Variants in MAF observed in about 807,000 individuals in gnomAD.
The protein encoded by MAF is MAF bZIP transcription factor.
MAF carries 10 observed loss-of-function variants against 22.0 expected under a neutral mutation model. The observed-to-expected ratio is 0.45, with a 90% CI of 0.28 to 0.77. The LOEUF (loss-of-function observed/expected upper bound fraction) is 0.77. Among genes scored for constraint, MAF ranks in the 30% least tolerant of loss-of-function variants. The probability of loss-of-function intolerance (pLI) is 0.12; values close to 1 mark genes in which losing one functional copy is unlikely to be tolerated. For synonymous variants in MAF, 337 were observed against 255.8 expected (o/e 1.32, Z -3.03); for missense variants, 544 against 548.4 (o/e 0.99, Z 0.08).
At chr16:79,517,568 C>CTTTTTTT in the MAF span, among the ~76,000 whole-genome samples, 1 of 99,782 alleles carries the variant, frequency 1.0e-5, no homozygotes. Flanking sequence ...ACTGTTTAGT[C>CTTTTTTT]TTTTTTTTTT....
At chr16:79,395,988 T>C in the MAF span, among the ~76,000 whole-genome samples, 1 of 152,202 alleles carries the variant, frequency 6.6e-6, no homozygotes, top group Non-Finnish European at 1.5e-5. Flanking sequence ...TTGCCTCAGT[T>C]CCGGCTCTCC....
the MAF span, among the ~76,000 whole-genome samples, chr16:79,448,167 A>G: frequency 6.6e-6 from 1 of 152,184 alleles, no homozygotes; most frequent in African/African-American, 2.4e-5. Flanking sequence ...ATGCTATCAA[A>G]TAGTGCCACA....
the MAF span, among the ~76,000 whole-genome samples, chr16:79,383,713 G>A: frequency 5.9e-5 from 9 of 152,192 alleles, no homozygotes; most frequent in East Asian, 1.2e-3. Context: ...CTGTGTTTAC[G>A]CTGGTCCTCT....
At chr16:79,227,513 G>A in the MAF span, among the ~76,000 whole-genome samples, 2,597 of 151,974 alleles carry the variant, frequency 0.017, 62 homozygotes, top group African/African-American at 0.06. Flanking sequence ...GTCGAGTAAC[G>A]GTACTGTAAT....
the MAF span, among the ~76,000 whole-genome samples, chr16:79,378,109 T>A: frequency 2.8e-4 from 43 of 152,276 alleles, no homozygotes; most frequent in Admixed American, 2.0e-3. Flanking sequence ...ATCTATAAAT[T>A]ACCTTGGGAA....
At chr16:79,375,463 G>C in the MAF span, among the ~76,000 whole-genome samples, 14 of 152,038 alleles carry the variant, frequency 9.2e-5, no homozygotes, top group Non-Finnish European at 1.8e-4. Context: ...TTTCCCACAG[G>C]GCATGGTGGT....
chr16:79,411,696 A>T, the MAF span, among the ~76,000 whole-genome samples: 6 of 152,152 alleles, frequency 3.9e-5, no homozygotes, highest in African/African-American at 1.4e-4. Context: ...TTACTGAATT[A>T]CTCTGTGCAA....
the MAF span, among the ~76,000 whole-genome samples, chr16:79,429,521 A>C: frequency 6.6e-6 from 1 of 152,070 alleles, no homozygotes; most frequent in Non-Finnish European, 1.5e-5. Context: ...GTCATTTCCA[A>C]AGGAAGCAGC....
the MAF span, among the ~76,000 whole-genome samples, chr16:79,316,438 C>G: frequency 1.3e-5 from 2 of 152,200 alleles, no homozygotes; most frequent in African/African-American, 4.8e-5. Context: ...TACACCTGCT[C>G]TAGCGCCAAC....
chr16:79,531,660 A>G, the MAF span, among the ~76,000 whole-genome samples: 2 of 152,134 alleles, frequency 1.3e-5, no homozygotes, highest in Non-Finnish European at 2.9e-5. Context: ...TTGTACTCCT[A>G]TAAGAATCTT....
chr16:79,220,538 G>A, the MAF span, among the ~76,000 whole-genome samples: 1 of 152,132 alleles, frequency 6.6e-6, no homozygotes, highest in Non-Finnish European at 1.5e-5. Flanking sequence ...CTAGCGAACA[G>A]ATAGATATAT....
At chr16:79,343,155 G>C in the MAF span, among the ~76,000 whole-genome samples, 12 of 152,078 alleles carry the variant, frequency 7.9e-5, no homozygotes, top group Non-Finnish European at 1.3e-4. Flanking sequence ...GGGTGACATT[G>C]TATCATTCAT....
chr16:79,270,680 G>C, the MAF span, among the ~76,000 whole-genome samples: 1 of 152,182 alleles, frequency 6.6e-6, no homozygotes, highest in African/African-American at 2.4e-5. Flanking sequence ...GTGACAGTAG[G>C]AAGGAGGAGG....
At chr16:79,282,099 G>A in the MAF span, among the ~76,000 whole-genome samples, 2 of 152,010 alleles carry the variant, frequency 1.3e-5, no homozygotes, top group African/African-American at 4.8e-5. Flanking sequence ...TCAGGAGTTC[G>A]AGACCAGCCT....
chr16:79,599,959 G>C lies in MAF; in HGVS notation c.-57C>G. 6.3e-7 allele frequency: 1 copy of C among 1,595,974 alleles called. No homozygotes were observed. The highest frequency in any genetic ancestry group is 8.5e-7 in the Non-Finnish European group (1 of 1,178,478). On this transcript the variant is annotated 5_prime_UTR_variant, in exon 1 of 2. Transcript: ENST00000326043. ...CTCCGCCAGATGGGCTGCAGGAGAG[G>C]GGCCAGCGGGCTGTGCTGGGTGGCC...
chr16:79,335,841 G>A, the MAF span, among the ~76,000 whole-genome samples: 15 of 152,270 alleles, frequency 9.9e-5, no homozygotes, highest in Admixed American at 7.2e-4. Flanking sequence ...TTGCTCAGAG[G>A]GGACAAGAGG....
chr16:79,373,173 A>G, the MAF span, among the ~76,000 whole-genome samples: 1 of 151,998 alleles, frequency 6.6e-6, no homozygotes, highest in Non-Finnish European at 1.5e-5. Flanking sequence ...AGCACCTAGT[A>G]GCATAGGGAA....
the MAF span, among the ~76,000 whole-genome samples, chr16:79,280,949 AC>A: frequency 2.0e-5 from 3 of 152,100 alleles, no homozygotes; most frequent in Non-Finnish European, 2.9e-5. Flanking sequence ...AGTGATTGCC[AC>A]CCCCGACCCT....
the MAF span, among the ~76,000 whole-genome samples, chr16:79,492,698 A>C: frequency 6.6e-6 from 1 of 152,366 alleles, no homozygotes; most frequent in East Asian, 1.9e-4. Context: ...CAAGAAAAAA[A>C]AAACAACTAT....
Sources: gnomAD v4.1 joint callset for allele counts (sites outside exome capture counted in the v4.1 genomes callset) on GRCh38, gnomAD v4.1.1 for gene constraint, MANE v1.5 for transcripts, NCBI Gene and HGNC (gene_info 2026-07-23, HGNC 2026-07-21) for gene names.